The following CNTN4 variants were observed in gnomAD, a reference collection of about 807,000 sequenced individuals.
The protein encoded by CNTN4 is contactin-4.
Under a neutral mutation model 122.5 loss-of-function variants are expected in CNTN4, and 77 were observed. That is an observed-to-expected ratio of 0.63 (90% confidence interval 0.52 to 0.76). The LOEUF (loss-of-function observed/expected upper bound fraction) is 0.76, where lower values mean the gene tolerates loss of function less well. Ranked by LOEUF, CNTN4 falls within the 30% of genes least tolerant of loss-of-function variation. CNTN4 has a pLI of 0.00. For synonymous variants in CNTN4, 512 were observed against 447.0 expected, an observed-to-expected ratio of 1.15 and a Z score of -1.83; for missense variants, 1,256 against 1,259.1, an observed-to-expected ratio of 1.00 and a Z score of 0.04.
intron 2 of CNTN4, among the ~76,000 whole-genome samples, chr3:2,154,031 T>A (rs1298965307): frequency 3.3e-5 from 5 of 152,224 alleles, no homozygotes; most frequent in Non-Finnish European, 7.3e-5. Context: ...ATATATTGGT[T>A]ACTTTATTAA....
chr3:2,193,451 A>G (rs1299358497), intron 2 of CNTN4, among the ~76,000 whole-genome samples: 1 of 149,590 alleles, frequency 6.7e-6, no homozygotes, highest in Non-Finnish European at 1.5e-5. Flanking sequence ...ATAATGGAAG[A>G]AAAAAATGCT....
chr3:2,273,771 C>G (rs1184814534), intron 2 of CNTN4, among the ~76,000 whole-genome samples: 1 of 152,096 alleles, frequency 6.6e-6, no homozygotes, highest in Non-Finnish European at 1.5e-5. Context: ...CATAACACAC[C>G]TGGTATTAAA....
chr3:2,290,161 A>G (rs995489917), intron 2 of CNTN4, among the ~76,000 whole-genome samples: 3 of 152,198 alleles, frequency 2.0e-5, no homozygotes, highest in Admixed American at 6.5e-5. Context: ...ACAGTAAACA[A>G]TAACAAGCAG....
intron 6 of CNTN4, among the ~76,000 whole-genome samples, chr3:2,783,763 T>C (rs1163537674): frequency 6.6e-6 from 1 of 152,240 alleles, no homozygotes; most frequent in Non-Finnish European, 1.5e-5. Context: ...TAAAGACGAA[T>C]CCATTTTCGG....
At chr3:2,349,416 G>A (rs1467209034) in intron 3 of CNTN4, among the ~76,000 whole-genome samples, 1 of 152,086 alleles carries the variant, frequency 6.6e-6, no homozygotes, top group Non-Finnish European at 1.5e-5. Flanking sequence ...AATTGCACGT[G>A]AAATGAAGGA....
chr3:2,729,995 T>A (rs989599975), intron 4 of CNTN4, among the ~76,000 whole-genome samples: 1 of 152,186 alleles, frequency 6.6e-6, no homozygotes, highest in Admixed American at 6.5e-5. Context: ...GTCCTGATAA[T>A]TAGAATCCAG....
chr3:2,515,906 C>CTG (rs141590213), intron 3 of CNTN4, among the ~76,000 whole-genome samples: 5 of 151,448 alleles, frequency 3.3e-5, no homozygotes, highest in African/African-American at 1.2e-4. Context: ...GTACAGTTGA[C>CTG]TATATATATA....
intron 4 of CNTN4, among the ~76,000 whole-genome samples, chr3:2,667,542 C>G (rs1236014456): frequency 1.3e-5 from 2 of 151,860 alleles, no homozygotes; most frequent in Non-Finnish European, 2.9e-5. Flanking sequence ...TCTGTAGGTT[C>G]CCTATTCACT....
chr3:2,176,135 T>C (rs943235736), intron 2 of CNTN4, among the ~76,000 whole-genome samples: 2 of 152,140 alleles, frequency 1.3e-5, no homozygotes, highest in Non-Finnish European at 2.9e-5. Flanking sequence ...CTTCCTGAAA[T>C]CACACAGAAC....
At chr3:2,115,164 A>G (rs960437562) in intron 2 of CNTN4, among the ~76,000 whole-genome samples, 18 of 152,150 alleles carry the variant, frequency 1.2e-4, no homozygotes, top group African/African-American at 3.4e-4. Flanking sequence ...CTAAGTTGCA[A>G]TGATCAGACC....
At chr3:2,963,109 G>C (rs947307955) in intron 13 of CNTN4, among the ~76,000 whole-genome samples, 5 of 152,132 alleles carry the variant, frequency 3.3e-5, no homozygotes, top group African/African-American at 1.2e-4. Flanking sequence ...GTCAGACTGA[G>C]TTTAAAGTCA....
intron 2 of CNTN4, among the ~76,000 whole-genome samples, chr3:2,197,299 T>G (rs1279023383): frequency 6.6e-6 from 1 of 152,208 alleles, no homozygotes; most frequent in Non-Finnish European, 1.5e-5. Flanking sequence ...GGCACACTTT[T>G]AAACTGCAAA....
chr3:2,793,001 T>G (rs2092060984), intron 6 of CNTN4, among the ~76,000 whole-genome samples: 1 of 152,214 alleles, frequency 6.6e-6, no homozygotes, highest in African/African-American at 2.4e-5. Context: ...TGTAACCTCC[T>G]TGGGGAAGTA....
Position 2,953,354 on chromosome 3 carries a change from C to T in CNTN4, c.1358+27575C>T, listed in dbSNP as rs182620149. Among the ~76,000 whole-genome samples the T allele has an allele frequency of 3.9e-5, 6 of 152,154 alleles. No individual in the cohort carries two copies. In the East Asian group the frequency reaches 1.2e-3, roughly 29 times the overall value. On this transcript the variant is annotated intron_variant, in intron 13 of 24. Transcript: ENST00000418658. ...CTTCCATTCTTCAATTTCTCAGCAC[C>T]ATTTGACACAGGCGGTAGATCGCTC... is the stretch of plus-strand genomic sequence containing the variant.
chr3:2,748,629 C>A (rs2089925159), intron 6 of CNTN4, among the ~76,000 whole-genome samples: 1 of 152,286 alleles, frequency 6.6e-6, no homozygotes, highest in Non-Finnish European at 1.5e-5. Context: ...GCCAAATATA[C>A]TATAATCGAA....
chr3:2,338,787 T>A (rs1461554517), intron 2 of CNTN4, among the ~76,000 whole-genome samples: 1 of 152,192 alleles, frequency 6.6e-6, no homozygotes, highest in Non-Finnish European at 1.5e-5. Context: ...ACAAAAACGA[T>A]GACGTCTCCA....
chr3:2,425,849 C>G (rs1003376660), intron 3 of CNTN4, among the ~76,000 whole-genome samples: 1 of 152,144 alleles, frequency 6.6e-6, no homozygotes, highest in African/African-American at 2.4e-5. Context: ...GGAGTTCACT[C>G]ATGATTTGGC....
At chr3:2,774,712 G>A (rs1013288356) in intron 6 of CNTN4, among the ~76,000 whole-genome samples, 1 of 152,032 alleles carries the variant, frequency 6.6e-6, no homozygotes, top group Non-Finnish European at 1.5e-5. Context: ...GTTTTCATTT[G>A]GAAAGACTGC....
chr3:2,172,216 C>T (rs899326646), intron 2 of CNTN4, among the ~76,000 whole-genome samples: 2 of 151,922 alleles, frequency 1.3e-5, no homozygotes, highest in Admixed American at 6.6e-5. Flanking sequence ...GAATACTACT[C>T]AGCCATAAAA....
Sources: gnomAD v4.1 joint callset for allele counts (sites outside exome capture counted in the v4.1 genomes callset) on GRCh38, gnomAD v4.1.1 for gene constraint, MANE v1.5 for transcripts, NCBI Gene and HGNC (gene_info 2026-07-23, HGNC 2026-07-21) for gene names.